HS6ST3: variants seen among roughly 807,000 people sequenced by gnomAD.
The protein encoded by HS6ST3 is heparan sulfate 6-O-sulfotransferase 3, also known as heparan-sulfate 6-O-sulfotransferase 3.
In HS6ST3, 12 loss-of-function variants were observed where a neutral mutation model predicts 36.7. That is an observed-to-expected ratio of 0.33 (90% CI 0.21 to 0.53). The LOEUF is 0.53. Among genes scored for constraint, HS6ST3 ranks in the 20% least tolerant of loss-of-function variants. The pLI, the probability that HS6ST3 is intolerant of heterozygous loss-of-function variation, is 0.95. For synonymous variants in HS6ST3, 240 were observed against 257.5 expected, an observed-to-expected ratio of 0.93 and a Z score of 0.65; for missense variants, 584 against 640.9, an observed-to-expected ratio of 0.91 and a Z score of 0.96.
rs1488943696 is a variant in HS6ST3 at position 96,837,196 on chromosome 13, A to G, written c.*3998A>G. ...CTATCAGTATCTGATACAAAAGGGA[A>G]CCAAACGATATTTAAGTGCTTTTTA... On this transcript the variant is annotated 3_prime_UTR_variant, in exon 2 of 2. Transcript: ENST00000376705. 1.3e-5 allele frequency: 2 copies of G among 152,206 alleles called. No individual in the cohort carries two copies. The highest frequency in any genetic ancestry group is 4.8e-5 in the African/African-American group (2 of 41,442). 9.4% of individuals were successfully genotyped at this position (152,206 alleles called of 1,614,324 possible).
At chr13:96,437,495 A>T (rs888180003) in intron 1 of HS6ST3, among the ~76,000 whole-genome samples, 3 of 152,188 alleles carry the variant, frequency 2.0e-5, no homozygotes, top group Admixed American at 6.5e-5. Flanking sequence ...TTTCTGCCAC[A>T]TCTTTCTCCC....
chr13:96,637,903 AG>A (rs1409959928), intron 1 of HS6ST3, among the ~76,000 whole-genome samples: 1 of 152,074 alleles, frequency 6.6e-6, no homozygotes, highest in Non-Finnish European at 1.5e-5. Flanking sequence ...GTTGATTCAG[AG>A]ACACTCCTCT....
In HS6ST3 at chr13:96,090,761, C is replaced by G; in HGVS notation, c.-102C>G. 1 of 971,302 alleles carries G rather than the reference C, an allele frequency of 1.0e-6. No individual in the cohort carries two copies. The highest frequency in any genetic ancestry group is 3.7e-4 in the Middle Eastern group (1 of 2,670). The allele number at this position is 971,302 out of a possible 1,614,324, so 60.2% of individuals were successfully genotyped here. A position where few individuals can be genotyped will look rare whatever the true frequency, so the allele number is the denominator to read the frequency against. On this transcript the variant is annotated 5_prime_UTR_variant, in exon 1 of 2. Coordinates refer to ENST00000376705, the MANE Select transcript of HS6ST3 (RefSeq NM_153456.4). ...GTCAGGGGCATGGAGGAACGGCGGG[C>G]TCCGAGCCGCGCCCCGGAGTCCGCG...
At chr13:96,284,240 AG>A (rs1367099981) in intron 1 of HS6ST3, among the ~76,000 whole-genome samples, 18 of 152,158 alleles carry the variant, frequency 1.2e-4, no homozygotes, top group Middle Eastern at 3.2e-3. Flanking sequence ...GTATATATGA[AG>A]GGGAGTTTAT....
chr13:96,404,551 G>A (rs533029116), intron 1 of HS6ST3, among the ~76,000 whole-genome samples: 1 of 152,334 alleles, frequency 6.6e-6, no homozygotes, highest in East Asian at 1.9e-4. Flanking sequence ...GAGAGTCATG[G>A]CAGGAGAGGA....
At chr13:96,800,000 A>ATATATATATATGTGTATATATATAGATG (rs1439454258) in intron 1 of HS6ST3, among the ~76,000 whole-genome samples, 1 of 89,392 alleles carries the variant, frequency 1.1e-5, no homozygotes, top group African/African-American at 5.5e-5. Context: ...ATATATATGT[A>ATATATATATATGTGTATATATATAGATG]TATATATATA....
intron 1 of HS6ST3, among the ~76,000 whole-genome samples, chr13:96,199,084 C>T (rs191010462): frequency 2.6e-5 from 4 of 152,270 alleles, no homozygotes; most frequent in African/African-American, 7.2e-5. Flanking sequence ...CATCAGATCT[C>T]GTGAGACTTA....
chr13:96,183,121 C>A (rs1419292405), intron 1 of HS6ST3, among the ~76,000 whole-genome samples: 1 of 152,148 alleles, frequency 6.6e-6, no homozygotes, highest in Non-Finnish European at 1.5e-5. Context: ...ATTTTCATAA[C>A]CTCCATTTTC....
chr13:96,327,099 G>T (rs1307180542), intron 1 of HS6ST3, among the ~76,000 whole-genome samples: 1 of 145,164 alleles, frequency 6.9e-6, no homozygotes, highest in Non-Finnish European at 1.5e-5. Context: ...AGATGAGTAG[G>T]TTGTGAAAAT....
intron 1 of HS6ST3, among the ~76,000 whole-genome samples, chr13:96,462,337 T>C (rs1327915): frequency 0.78 from 118,361 of 152,118 alleles, 49,035 homozygotes; most frequent in Non-Finnish European, 0.94. Flanking sequence ...TCCCAAAGTG[T>C]TGGGTTTACA....
At chr13:96,484,115 C>A (rs1177519241) in intron 1 of HS6ST3, among the ~76,000 whole-genome samples, 1 of 150,472 alleles carries the variant, frequency 6.6e-6, no homozygotes, top group Non-Finnish European at 1.5e-5. Context: ...TATTCTTTTG[C>A]CAGTACTACA....
chr13:96,414,810 A>C (rs2055525032), intron 1 of HS6ST3, among the ~76,000 whole-genome samples: 1 of 152,080 alleles, frequency 6.6e-6, no homozygotes, highest in Non-Finnish European at 1.5e-5. Context: ...CTCTTTCTAA[A>C]CATAGTGTGA....
chr13:96,713,225 A>G (rs1427042992), intron 1 of HS6ST3, among the ~76,000 whole-genome samples: 1 of 152,152 alleles, frequency 6.6e-6, no homozygotes, highest in Non-Finnish European at 1.5e-5. Context: ...TTAAATATGG[A>G]CTCTAAATAT....
intron 1 of HS6ST3, among the ~76,000 whole-genome samples, chr13:96,461,482 G>A (rs1236220183): frequency 6.6e-6 from 1 of 152,174 alleles, no homozygotes; most frequent in East Asian, 1.9e-4. Context: ...AATGTTCTTA[G>A]AAGAGCACAG....
intron 1 of HS6ST3, among the ~76,000 whole-genome samples, chr13:96,113,615 GATATA>G (rs1185253580): frequency 2.6e-5 from 4 of 152,070 alleles, no homozygotes; most frequent in African/African-American, 9.7e-5. Flanking sequence ...AAAAAGCATA[GATATA>G]ATATTCGGTT....
chr13:96,167,030 G>T (rs1453574875), intron 1 of HS6ST3, among the ~76,000 whole-genome samples: 1 of 152,106 alleles, frequency 6.6e-6, no homozygotes, highest in African/African-American at 2.4e-5. Flanking sequence ...CACCAGTCAT[G>T]CTGAACTGGG....
rs1878858955 is a variant in HS6ST3, at chr13:96,833,643, A to C, written c.*445A>C. On this transcript the variant is annotated 3_prime_UTR_variant, in exon 2 of 2. Coordinates refer to ENST00000376705, the MANE Select transcript of HS6ST3 (RefSeq NM_153456.4). ...ATATCAGTTGGTATAAAGAGAGAGA[A>C]AGAGAAAAACATTTCAGCCCTTAGA... 1 of 157,834 alleles carries C rather than the reference A, an allele frequency of 6.3e-6. No homozygotes were observed. Among genetic ancestry groups the C allele is most frequent in the African/African-American group, 2.4e-5 (1 of 41,574 alleles). 9.8% of individuals were successfully genotyped at this position (157,834 alleles called of 1,614,324 possible). A position where few individuals can be genotyped will look rare whatever the true frequency, so the allele number is the denominator to read the frequency against.
chr13:96,173,656 G>T (rs1434979214), intron 1 of HS6ST3, among the ~76,000 whole-genome samples: 1 of 113,116 alleles, frequency 8.8e-6, no homozygotes, highest in Admixed American at 1.2e-4. Context: ...TGAATAGGCA[G>T]AGTCACAGGT....
chr13:96,798,953 C>T (rs1012009979), intron 1 of HS6ST3, among the ~76,000 whole-genome samples: 2 of 151,954 alleles, frequency 1.3e-5, no homozygotes, highest in African/African-American at 4.8e-5. Context: ...CATATGTACC[C>T]CAGTGTCCCT....
Sources: allele counts gnomAD v4.1 joint callset (sites outside exome capture counted in the v4.1 genomes callset), GRCh38; gene constraint gnomAD v4.1.1; transcripts MANE v1.5; gene names NCBI Gene and HGNC (gene_info 2026-07-23, HGNC 2026-07-21).